Variants in TLR6 observed in about 807,000 individuals in gnomAD.
TLR6 encodes the protein toll like receptor 6, also known as toll-like receptor 6.
A neutral mutation model predicts 16.1 loss-of-function variants in TLR6; 9 were observed. That is an observed-to-expected ratio of 0.56 (90% CI 0.34 to 0.98). The LOEUF (loss-of-function observed/expected upper bound fraction) is 0.98. Ranked by LOEUF, TLR6 falls within the 50% of genes least tolerant of loss-of-function variation. TLR6 has a pLI of 0.02. For synonymous variants in TLR6, 340 were observed against 338.6 expected (o/e 1.00, Z -0.04); for missense variants, 786 against 921.0 (o/e 0.85, Z 1.90).
intron 1 of TLR6, among the ~76,000 whole-genome samples, chr4:38,846,354 A>G (rs1560270176): frequency 6.6e-6 from 1 of 152,194 alleles, no homozygotes; most frequent in Non-Finnish European, 1.5e-5. Context: ...CTTCAGAAAG[A>G]GGAGAGATTC....
intron 1 of TLR6, among the ~76,000 whole-genome samples, chr4:38,845,719 C>T (rs968579004): frequency 2.1e-5 from 3 of 142,988 alleles, no homozygotes; most frequent in African/African-American, 7.4e-5. Context: ...TCCTACCCTA[C>T]AGAACTGTAA....
intron 1 of TLR6, among the ~76,000 whole-genome samples, chr4:38,854,487 A>T (rs930300516): frequency 6.6e-6 from 1 of 152,174 alleles, no homozygotes; most frequent in African/African-American, 2.4e-5. Flanking sequence ...GAAGGGGGTC[A>T]AAGGAGGACT....
intron 1 of TLR6, chr4:38,843,763 CACAT>C (rs1400633983): frequency 6.6e-6 from 1 of 152,206 alleles, no homozygotes. Flanking sequence ...CACAGAGACA[CACAT>C]ACATTTGAAA....
intron 1 of TLR6, among the ~76,000 whole-genome samples, chr4:38,840,107 GT>G (rs1712178148): frequency 6.6e-6 from 1 of 152,182 alleles, no homozygotes; most frequent in South Asian, 2.1e-4. Context: ...TACCAATAAA[GT>G]TTGTTTTCTT....
chr4:38,833,264 G>A (rs988034069), intron 1 of TLR6, among the ~76,000 whole-genome samples: 5 of 152,230 alleles, frequency 3.3e-5, no homozygotes, highest in South Asian at 2.1e-4. Flanking sequence ...CCATCACCAC[G>A]AGTGCCCACA....
the TLR6 span, among the ~76,000 whole-genome samples, chr4:38,863,793 C>T: frequency 6.6e-6 from 1 of 152,108 alleles, no homozygotes; most frequent in Admixed American, 6.5e-5. Context: ...ACAGGTATGC[C>T]AGCCTCCATC....
chr4:38,863,896 C>CG, the TLR6 span, among the ~76,000 whole-genome samples: 1 of 152,140 alleles, frequency 6.6e-6, no homozygotes, highest in Non-Finnish European at 1.5e-5. Context: ...CAGTCTCACT[C>CG]AAAGTATAAA....
At chr4:38,849,593 C>T (rs1475276687) in intron 1 of TLR6, among the ~76,000 whole-genome samples, 1 of 151,936 alleles carries the variant, frequency 6.6e-6, no homozygotes, top group African/African-American at 2.4e-5. Flanking sequence ...ATCTACCAAG[C>T]AAATGGAAAA....
rs146892714 is a variant in TLR6, at chr4:38,828,811, C to T, written c.663G>A (p.Gly221=). The T allele has an allele frequency of 3.3e-5, 54 of 1,613,936 alleles. 1 individual carries two copies. In the African/African-American group the frequency reaches 5.9e-4, roughly 18 times the overall value. Residue 221 remains glycine (G), a synonymous_variant, in exon 2 of 2, where the codon GGG becomes GGA. Transcript: ENST00000436693. ...ATTTAATATTAGTCAGTTGTAAGCA[C>T]CCTAAAGTATTAACTGATATGTTCA...
chr4:38,851,475 T>C (rs1165328399), intron 1 of TLR6, among the ~76,000 whole-genome samples: 3 of 152,230 alleles, frequency 2.0e-5, no homozygotes, highest in African/African-American at 7.2e-5. Context: ...CATGATAGTA[T>C]ATTTAGAAAA....
intron 1 of TLR6, among the ~76,000 whole-genome samples, chr4:38,838,938 A>AAGGAAGGG (rs1351238825): frequency 3.8e-5 from 4 of 104,000 alleles, no homozygotes; most frequent in Non-Finnish European, 5.6e-5. Flanking sequence ...GGAAGGAAGG[A>AAGGAAGGG]AGGAAGGGAG....
At chr4:38,844,372 C>T (rs1422122227) in intron 1 of TLR6, among the ~76,000 whole-genome samples, 1 of 152,052 alleles carries the variant, frequency 6.6e-6, no homozygotes, top group Non-Finnish European at 1.5e-5. Flanking sequence ...AAATAGTTCA[C>T]AATGAAGATG....
exon 2 of TLR6, chr4:38,824,210 A>G (rs1727443346): frequency 6.6e-6 from 1 of 152,190 alleles, no homozygotes; most frequent in Admixed American, 6.5e-5. Context: ...AATGGGGTGC[A>G]CAGTGTCCCC....
upstream of TLR6, among the ~76,000 whole-genome samples, chr4:38,860,945 AGCTCTTCAGG>A (rs1713179767): frequency 2.6e-5 from 4 of 152,160 alleles, no homozygotes; most frequent in South Asian, 8.3e-4. Context: ...TTATTTTGAA[AGCTCTTCAGG>A]TGAGTCCATT....
chr4:38,843,059 G>A (rs935562643), intron 1 of TLR6, among the ~76,000 whole-genome samples: 6 of 152,288 alleles, frequency 3.9e-5, no homozygotes, highest in East Asian at 3.9e-4. Context: ...TAAAGCTGCC[G>A]TATGGAAGAG....
the TLR6 span, chr4:38,867,676 T>A: frequency 6.6e-6 from 1 of 150,844 alleles, no homozygotes; most frequent in Non-Finnish European, 1.5e-5. Flanking sequence ...AGCGTGGGGG[T>A]GGCCGGGCGT....
At chr4:38,851,102 G>T (rs1217157895) in intron 1 of TLR6, among the ~76,000 whole-genome samples, 1 of 152,106 alleles carries the variant, frequency 6.6e-6, no homozygotes, top group East Asian at 1.9e-4. Context: ...ATGTAATCCA[G>T]CATATAAACA....
chr4:38,866,572 G>T, the TLR6 span, among the ~76,000 whole-genome samples: 19 of 151,934 alleles, frequency 1.3e-4, no homozygotes, highest in African/African-American at 4.3e-4. Flanking sequence ...GTCAATAGGA[G>T]AATGATTGAA....
chr4:38,836,769 T>C (rs928198208), intron 1 of TLR6, among the ~76,000 whole-genome samples: 1 of 151,842 alleles, frequency 6.6e-6, no homozygotes, highest in Non-Finnish European at 1.5e-5. Flanking sequence ...TGAAACCTTA[T>C]CTCTACTAAA....
Sources: gnomAD v4.1 joint callset for allele counts (sites outside exome capture counted in the v4.1 genomes callset) on GRCh38, gnomAD v4.1.1 for gene constraint, MANE v1.5 for transcripts, NCBI Gene and HGNC (gene_info 2026-07-23, HGNC 2026-07-21) for gene names.